MFSD11: variants seen among roughly 807,000 people sequenced by gnomAD.
MFSD11 encodes UNC93-like protein MFSD11.
MFSD11 carries 36 observed loss-of-function variants against 53.5 expected under a neutral mutation model. That is an observed-to-expected ratio of 0.67 (90% confidence interval 0.52 to 0.89). The LOEUF is 0.89. Ranked by LOEUF, MFSD11 falls within the 40% of genes least tolerant of loss-of-function variation. The pLI is 0.00. For synonymous variants in MFSD11, 186 were observed against 184.9 expected (o/e 1.01, Z -0.05); for missense variants, 530 against 543.9 (o/e 0.97, Z 0.25).
intron 7 of MFSD11, 151 bp downstream of exon 7, chr17:76,744,617 C>A: frequency 4.4e-6 from 3 of 687,132 alleles, no homozygotes; most frequent in Non-Finnish European, 6.7e-6. Context: ...GGAGGAGCTG[C>A]GAGGGAGGAA....
At chr17:76,793,174 G>A in the MFSD11 span, among the ~76,000 whole-genome samples, 1 of 151,288 alleles carries the variant, frequency 6.6e-6, no homozygotes, top group African/African-American at 2.5e-5. Flanking sequence ...CAACCAGTCT[G>A]ATCAAAAATT....
chr17:76,782,424 C>G (rs1180881990), downstream of MFSD11, among the ~76,000 whole-genome samples: 3 of 149,084 alleles, frequency 2.0e-5, no homozygotes, highest in African/African-American at 4.9e-5. Context: ...ATCCACCCGT[C>G]TCAGCCTCCC....
chr17:76,751,755 T>A (rs957785574), intron 7 of MFSD11, among the ~76,000 whole-genome samples: 3 of 151,986 alleles, frequency 2.0e-5, no homozygotes, highest in African/African-American at 7.2e-5. Flanking sequence ...AAATATTTTT[T>A]AAAAACTTTC....
chr17:76,785,755 T>C (rs1392545011), downstream of MFSD11, among the ~76,000 whole-genome samples: 1 of 152,046 alleles, frequency 6.6e-6, no homozygotes, highest in African/African-American at 2.4e-5. Context: ...CACTTCAAAA[T>C]GGTTAAGATG....
intron 10 of MFSD11, among the ~76,000 whole-genome samples, chr17:76,772,680 G>A (rs1376550658): frequency 2.6e-5 from 4 of 151,720 alleles, no homozygotes; most frequent in Admixed American, 2.6e-4. Flanking sequence ...ACCACGCCTG[G>A]CTAATTTTTG....
Position 76,764,791 on chromosome 17 carries a change from G to A in MFSD11, c.683-2595G>A, listed in dbSNP as rs112803108. 2.4e-3 allele frequency among the ~76,000 whole-genome samples: 370 copies of A among 152,268 alleles called. 4 individuals carry two copies. Among genetic ancestry groups the A allele is most frequent in the African/African-American group, 8.5e-3 (355 of 41,562 alleles). ...TTCATTTCCTTTGGATATATGCCCA[G>A]AGGTAGAATTGCTGGATCATAACAT... On this transcript the variant is annotated intron_variant, in intron 8 of 12. Transcript: ENST00000685175.
intron 7 of MFSD11, 84 bp downstream of exon 7, chr17:76,744,550 A>G (rs1392231629): frequency 1.6e-6 from 2 of 1,239,164 alleles, no homozygotes; most frequent in East Asian, 2.5e-5. Flanking sequence ...GTTTAGCCCT[A>G]ACTGATGTCC....
chr17:76,744,175 G>T (rs916234012), intron 6 of MFSD11, 147 bp from the exon 7 acceptor site: 2 of 654,134 alleles, frequency 3.1e-6, no homozygotes, highest in Non-Finnish European at 4.8e-6. Flanking sequence ...TATCCTATTT[G>T]TCTCCTTTTC....
At chr17:76,759,502 T>C (rs2079984010) in intron 8 of MFSD11, among the ~76,000 whole-genome samples, 1 of 152,028 alleles carries the variant, frequency 6.6e-6, no homozygotes, top group Non-Finnish European at 1.5e-5. Flanking sequence ...TCACCCAGGC[T>C]GGAGTGCAGT....
In MFSD11 at chr17:76,778,248, C is replaced by T; in HGVS notation, c.1246C>T (p.Leu416=). 1 of 1,614,158 alleles carries T rather than the reference C, an allele frequency of 6.2e-7. No homozygotes were observed. The highest frequency in any genetic ancestry group is 8.5e-7 in the Non-Finnish European group (1 of 1,180,028). Residue 416 remains leucine (L), a synonymous_variant, in exon 13 of 13, where the codon CTG becomes TTG. Coordinates refer to ENST00000685175, the MANE Select transcript of MFSD11 (RefSeq NM_001242532.5). The stretch of plus-strand genomic sequence containing the variant: ...CTACCTTCTCCTTCACTGGCAACTC[C>T]TGGTCATGGTGATATTTGGGTTTTT... ...SNYLLLHWQL[L]VMVIFGFFGT... is the part of the protein sequence containing the mutation.
rs148505583 is a variant in MFSD11 at position 76,761,915 on chromosome 17, C to T, written c.683-5471C>T. The stretch of plus-strand genomic sequence containing the variant: ...CAGCCTGGGCGACAGAGCTAGACTC[C>T]GTCTCAAAAAAAAAAAAAAAATTCA... On this transcript the variant is annotated intron_variant, in intron 8 of 12. Coordinates refer to ENST00000685175, the MANE Select transcript of MFSD11 (RefSeq NM_001242532.5). Among the ~76,000 whole-genome samples the T allele has an allele frequency of 4.6e-3, 683 of 148,258 alleles. 4 individuals carry two copies. Among genetic ancestry groups the T allele is most frequent in the African/African-American group, 0.015 (597 of 39,396 alleles).
At chr17:76,788,958 A>G in the MFSD11 span, among the ~76,000 whole-genome samples, 322 of 149,612 alleles carry the variant, frequency 2.2e-3, 16 homozygotes, top group African/African-American at 7.5e-3. Flanking sequence ...CCTGGCCAAC[A>G]TGGTGAAACC....
At chr17:76,802,996 A>C in the MFSD11 span, among the ~76,000 whole-genome samples, 4 of 152,036 alleles carry the variant, frequency 2.6e-5, no homozygotes, top group African/African-American at 9.7e-5. Context: ...TCTCTACTAA[A>C]AATACAAAAA....
chr17:76,755,123 AAG>A (rs2079436708), intron 8 of MFSD11, among the ~76,000 whole-genome samples: 1 of 152,034 alleles, frequency 6.6e-6, no homozygotes, highest in East Asian at 1.9e-4. Context: ...AGACTGAGGC[AAG>A]AGAATTGCTT....
chr17:76,738,246 T>G lies in MFSD11; in HGVS notation c.-107T>G. 1 of 727,398 alleles carries G rather than the reference T, an allele frequency of 1.4e-6. No homozygotes were observed. Among genetic ancestry groups the G allele is most frequent in the Non-Finnish European group, 2.4e-6 (1 of 421,090 alleles). The allele number at this position is 727,398 out of a possible 1,614,324, so 45.1% of individuals were successfully genotyped here. A position where few individuals can be genotyped will look rare whatever the true frequency, so the allele number is the denominator to read the frequency against. ...AGCTTGGCTGCCTGGCTCCTGCATC[T>G]GCCTTCTCCACTCACCATCTCATTT... On this transcript the variant is annotated 5_prime_UTR_variant, in exon 1 of 13. Coordinates refer to ENST00000685175, the MANE Select transcript of MFSD11 (RefSeq NM_001242532.5).
chr17:76,763,812 C>A (rs572152064), intron 8 of MFSD11, among the ~76,000 whole-genome samples: 2 of 150,422 alleles, frequency 1.3e-5, no homozygotes, highest in Non-Finnish European at 3.0e-5. Context: ...CCAACTTTAT[C>A]GAGGTATAAC....
chr17:76,744,253 C>G, intron 6 of MFSD11, 69 bp from the exon 7 acceptor site: 1 of 1,490,890 alleles, frequency 6.7e-7, no homozygotes, highest in Non-Finnish European at 9.0e-7. Flanking sequence ...GTAAGCAGCC[C>G]TTGTACCGTG....
intron 8 of MFSD11, among the ~76,000 whole-genome samples, chr17:76,763,424 C>T (rs950541548): frequency 2.6e-5 from 4 of 151,964 alleles, no homozygotes; most frequent in African/African-American, 4.8e-5. Flanking sequence ...CTACCCCTCC[C>T]GGCTAACTGT....
intron 2 of MFSD11, among the ~76,000 whole-genome samples, chr17:76,739,539 G>A (rs1326728442): frequency 6.6e-6 from 1 of 152,112 alleles, no homozygotes; most frequent in African/African-American, 2.4e-5. Context: ...ATATGTACAG[G>A]TATATATACA....
Sources: allele counts gnomAD v4.1 joint callset (sites outside exome capture counted in the v4.1 genomes callset), GRCh38; gene constraint gnomAD v4.1.1; transcripts MANE v1.5; gene names NCBI Gene and HGNC (gene_info 2026-07-23, HGNC 2026-07-21).